The following NPSR1 variants were observed in gnomAD, a reference collection of about 807,000 sequenced individuals.
NPSR1 encodes neuropeptide S receptor 1.
Under a neutral mutation model 46.9 loss-of-function variants are expected in NPSR1, and 48 were observed. That is an observed-to-expected ratio of 1.02 (90% confidence interval 0.81 to 1.30). The LOEUF is 1.30. Among genes scored for constraint, NPSR1 ranks in the 50% most tolerant of loss-of-function variants. The probability of loss-of-function intolerance (pLI) is 0.00; values close to 1 mark genes in which losing one functional copy is unlikely to be tolerated. For missense variants in NPSR1, 450 were observed against 449.5 expected, an observed-to-expected ratio of 1.00 and a Z score of -0.01; for synonymous variants, 176 against 168.1, an observed-to-expected ratio of 1.05 and a Z score of -0.36.
intron 2 of NPSR1, among the ~76,000 whole-genome samples, chr7:34,688,649 T>C (rs1793062171): frequency 6.6e-6 from 1 of 152,130 alleles, no homozygotes; most frequent in Non-Finnish European, 1.5e-5. Context: ...TGCAAAGACC[T>C]TGTGGCTGCA....
chr7:34,702,795 C>A (rs1562663252), intron 2 of NPSR1, among the ~76,000 whole-genome samples: 1 of 152,214 alleles, frequency 6.6e-6, no homozygotes, highest in South Asian at 2.1e-4. Flanking sequence ...AGTGGACTTA[C>A]TGCATCAAAG....
chr7:34,858,536 G>A (rs534648962), intron 8 of NPSR1, among the ~76,000 whole-genome samples: 8 of 151,146 alleles, frequency 5.3e-5, no homozygotes, highest in South Asian at 2.1e-4. Flanking sequence ...GTATTAGTCC[G>A]TTTTTCACAC....
At chr7:34,813,970 G>T (rs1011837349) in intron 4 of NPSR1, among the ~76,000 whole-genome samples, 2 of 152,216 alleles carry the variant, frequency 1.3e-5, no homozygotes, top group African/African-American at 2.4e-5. Context: ...AACAGCTCTG[G>T]TCTGCAGCTC....
chr7:34,846,609 C>T (rs759760034), intron 7 of NPSR1, among the ~76,000 whole-genome samples: 1 of 151,974 alleles, frequency 6.6e-6, no homozygotes, highest in Non-Finnish European at 1.5e-5. Context: ...TACACCGTGA[C>T]ATAATAACAG....
intron 3 of NPSR1, among the ~76,000 whole-genome samples, chr7:34,788,023 T>C (rs920471482): frequency 1.3e-5 from 2 of 151,894 alleles, no homozygotes; most frequent in Non-Finnish European, 2.9e-5. Context: ...GTAAAAAAAA[T>C]GCACTATCTG....
chr7:34,722,776 A>G (rs1325444056), intron 2 of NPSR1, among the ~76,000 whole-genome samples: 2 of 152,156 alleles, frequency 1.3e-5, no homozygotes, highest in Admixed American at 6.5e-5. Flanking sequence ...GGCTGCAGAT[A>G]ATGACAGTTC....
chr7:34,860,041 A>T (rs1381931132), intron 8 of NPSR1, among the ~76,000 whole-genome samples: 1 of 151,596 alleles, frequency 6.6e-6, no homozygotes, highest in Non-Finnish European at 1.5e-5. Context: ...AACTCAAGAC[A>T]TCTCTAATTC....
intron 2 of NPSR1, among the ~76,000 whole-genome samples, chr7:34,731,758 A>G (rs1784426320): frequency 6.6e-6 from 1 of 152,168 alleles, no homozygotes. Flanking sequence ...TAGTGCACAG[A>G]TAAATCTTGA....
At chr7:34,695,225 C>T (rs540389580) in intron 2 of NPSR1, among the ~76,000 whole-genome samples, 1 of 152,186 alleles carries the variant, frequency 6.6e-6, no homozygotes, top group South Asian at 2.1e-4. Context: ...GAAAGGACAC[C>T]TTATTCAATA....
intron 7 of NPSR1, among the ~76,000 whole-genome samples, chr7:34,846,175 C>T (rs1790735582): frequency 6.6e-6 from 1 of 152,140 alleles, no homozygotes; most frequent in African/African-American, 2.4e-5. Flanking sequence ...TAGTCAGAAG[C>T]ACAGATGCAC....
Position 34,844,910 on chromosome 7 carries a change from A to G in NPSR1, c.772A>G (p.Ser258Gly). The G allele has an allele frequency of 6.2e-7, 1 of 1,608,438 alleles. No individual in the cohort carries two copies. The highest frequency in any genetic ancestry group is 8.5e-7 in the Non-Finnish European group (1 of 1,174,842). The part of the protein sequence containing the change: ...ISNCSDGKLC[S>G]SYNRGLISKA... ...TGTATCTACAGATGGGAAACTGTGC[A>G]GCAGCTATAACCGAGGACTCATCTC... Residue 258 changes from serine to glycine, a missense_variant, in exon 7 of 9, where the codon AGC becomes GGC. Transcript: ENST00000360581.
In NPSR1 at chr7:34,784,031, A is replaced by C. The variant is rs549595180; in HGVS notation, c.384+5466A>C. 7.2e-5 allele frequency among the ~76,000 whole-genome samples: 11 copies of C among 152,322 alleles called. No homozygotes were observed. The East Asian group carries it at 2.1e-3, about 29-fold the overall frequency. The stretch of plus-strand genomic sequence containing the variant: ...CACAGAATCTTCAAGCTAAAGGAAA[A>C]AAAAAAGAGCGAGCTAATTAGTGAC... On this transcript the variant is annotated intron_variant, in intron 3 of 8. Transcript: ENST00000360581.
chr7:34,660,099 G>A (rs1791381680), intron 1 of NPSR1: 1 of 456,556 alleles, frequency 2.2e-6, no homozygotes, highest in Non-Finnish European at 4.4e-6. Flanking sequence ...TGCTCTCTAT[G>A]AGTGTTTGTC....
chr7:34,773,063 G>A (rs1786763284), intron 2 of NPSR1, among the ~76,000 whole-genome samples: 1 of 152,142 alleles, frequency 6.6e-6, no homozygotes, highest in South Asian at 2.1e-4. Flanking sequence ...AGGTGCAGAT[G>A]AAGAAGTGCA....
intron 2 of NPSR1, among the ~76,000 whole-genome samples, chr7:34,777,591 T>G (rs571113954): frequency 1.3e-5 from 2 of 152,246 alleles, no homozygotes; most frequent in Admixed American, 1.3e-4. Context: ...GCTACTTTTT[T>G]TGTGTGTAGA....
intron 2 of NPSR1, chr7:34,752,176 G>A (rs1785574713): frequency 5.8e-6 from 2 of 344,946 alleles, no homozygotes; most frequent in Non-Finnish European, 1.1e-5. Context: ...TGTAAGGTAT[G>A]CATTCATCTA....
At chr7:34,848,797 G>A in intron 8 of NPSR1, 134 bp downstream of exon 8, 1 of 795,232 alleles carries the variant, frequency 1.3e-6, no homozygotes, top group Non-Finnish European at 2.0e-6. Flanking sequence ...AGGCTTGAGA[G>A]TCAGAAAGAT....
At chr7:34,740,298 A>G (rs530710473) in intron 2 of NPSR1, among the ~76,000 whole-genome samples, 1 of 151,994 alleles carries the variant, frequency 6.6e-6, no homozygotes, top group Non-Finnish European at 1.5e-5. Context: ...GTGGGTGAGC[A>G]GGGCTGAGAA....
chr7:34,834,488 T>A (rs761938689), intron 6 of NPSR1, 28 bp downstream of exon 6: 1 of 1,523,278 alleles, frequency 6.6e-7, no homozygotes, highest in Non-Finnish European at 9.1e-7. Flanking sequence ...ATGGCCCAAT[T>A]CTTGGCTAAT....
Sources: allele counts gnomAD v4.1 joint callset (sites outside exome capture counted in the v4.1 genomes callset), GRCh38; gene constraint gnomAD v4.1.1; transcripts MANE v1.5; gene names NCBI Gene and HGNC (gene_info 2026-07-23, HGNC 2026-07-21).